Variants in EFHD1 observed in about 807,000 individuals in gnomAD.
EFHD1 encodes EF-hand domain family member D1, also known as EF-hand domain-containing protein D1.
EFHD1 carries 10 observed loss-of-function variants against 17.2 expected under a neutral mutation model. That is an observed-to-expected ratio of 0.58 (90% CI 0.36 to 0.99). The LOEUF is 0.99. Among genes scored for constraint, EFHD1 ranks in the 50% least tolerant of loss-of-function variants. The probability of loss-of-function intolerance (pLI) is 0.01; values close to 1 mark genes in which losing one functional copy is unlikely to be tolerated. For missense variants in EFHD1, 310 were observed against 327.5 expected (o/e 0.95, Z 0.41); for synonymous variants, 153 against 142.0 (o/e 1.08, Z -0.55).
intron 1 of EFHD1, among the ~76,000 whole-genome samples, chr2:232,644,405 G>A (rs1694488361): frequency 6.6e-6 from 1 of 152,088 alleles, no homozygotes; most frequent in Non-Finnish European, 1.5e-5. Context: ...GTGGCTCCTG[G>A]GCTTCTGTGG....
At chr2:232,630,366 G>C (rs1326083142), upstream of EFHD1, among the ~76,000 whole-genome samples, 1 of 152,210 alleles carries the variant, frequency 6.6e-6, no homozygotes, top group Non-Finnish European at 1.5e-5. Flanking sequence ...TCACTAGTGA[G>C]ATACTAACAC....
intron 2 of EFHD1, among the ~76,000 whole-genome samples, chr2:232,669,989 A>G (rs1695039462): frequency 6.6e-6 from 1 of 152,214 alleles, no homozygotes; most frequent in Non-Finnish European, 1.5e-5. Flanking sequence ...GTAGCACCTG[A>G]AAACCTGGAG....
intron 3 of EFHD1, 68 bp from the exon 4 acceptor site, chr2:232,681,517 G>T: frequency 6.4e-7 from 1 of 1,568,806 alleles, no homozygotes. Flanking sequence ...GTTGGCTCAG[G>T]TGTCAGCAGC....
intron 1 of EFHD1, among the ~76,000 whole-genome samples, chr2:232,648,402 C>T (rs2106202216): frequency 6.6e-6 from 1 of 151,978 alleles, no homozygotes; most frequent in East Asian, 1.9e-4. Flanking sequence ...TGACTGTTTC[C>T]CAGCCCGCAG....
intron 1 of EFHD1, among the ~76,000 whole-genome samples, chr2:232,609,054 CTTT>C (rs1244427931): frequency 1.9e-4 from 16 of 82,262 alleles, no homozygotes; most frequent in Admixed American, 4.9e-4. Flanking sequence ...TGCATAAGTT[CTTT>C]TTTTTTTTTT....
chr2:232,623,693 AAGAAGAAGAAG>A (rs1411166254), intron 1 of EFHD1, among the ~76,000 whole-genome samples: 1,413 of 90,596 alleles, frequency 0.016, 66 homozygotes, highest in African/African-American at 0.056. Context: ...AAAAAAAAAA[AAGAAGAAGAAG>A]AAGAAGAAGA....
chr2:232,617,510 C>G (rs977434404), intron 1 of EFHD1, among the ~76,000 whole-genome samples: 1 of 151,712 alleles, frequency 6.6e-6, no homozygotes, highest in Non-Finnish European at 1.5e-5. Context: ...AAAAATTAGC[C>G]AGGCGTGGTG....
chr2:232,667,147 C>G (rs1218302375), intron 2 of EFHD1, among the ~76,000 whole-genome samples: 1 of 152,118 alleles, frequency 6.6e-6, no homozygotes, highest in Non-Finnish European at 1.5e-5. Flanking sequence ...GTTGTGTGAG[C>G]CACCCAGACT....
intron 2 of EFHD1, among the ~76,000 whole-genome samples, chr2:232,667,939 C>T (rs1198151461): frequency 6.6e-6 from 1 of 152,218 alleles, no homozygotes; most frequent in Non-Finnish European, 1.5e-5. Context: ...CCTAAGAGTT[C>T]TAACTAATAC....
At chr2:232,638,251 A>C (rs1694355478) in intron 1 of EFHD1, 3 of 437,078 alleles carry the variant, frequency 6.9e-6, no homozygotes, top group Non-Finnish European at 1.4e-5. Flanking sequence ...AAAGGGAGGC[A>C]ATGAGGGCAG....
intron 1 of EFHD1, among the ~76,000 whole-genome samples, chr2:232,651,487 T>A (rs1167305526): frequency 1.3e-5 from 2 of 152,192 alleles, no homozygotes; most frequent in African/African-American, 4.8e-5. Context: ...GAGAACCTTC[T>A]AGCAGGTTAA....
chr2:232,654,696 G>C (rs112193542), intron 1 of EFHD1, among the ~76,000 whole-genome samples: 5,877 of 152,154 alleles, frequency 0.039, 341 homozygotes, highest in African/African-American at 0.13. Flanking sequence ...CCAAAGTGCT[G>C]GGATTACAGG....
intron 1 of EFHD1, among the ~76,000 whole-genome samples, chr2:232,614,257 C>T (rs1294379952): frequency 6.6e-6 from 1 of 152,128 alleles, no homozygotes; most frequent in African/African-American, 2.4e-5. Context: ...CTGCATGCCT[C>T]AAATTATACT....
chr2:232,614,073 TTATACACACATA>T (rs1406252348), intron 1 of EFHD1, among the ~76,000 whole-genome samples: 4 of 35,674 alleles, frequency 1.1e-4, no homozygotes, highest in African/African-American at 7.1e-5. Context: ...TGCACACACA[TTATACACACATA>T]TATACACACA....
At chr2:232,621,818 C>T (rs1380258185) in intron 1 of EFHD1, among the ~76,000 whole-genome samples, 1 of 152,126 alleles carries the variant, frequency 6.6e-6, no homozygotes, top group Non-Finnish European at 1.5e-5. Flanking sequence ...TAACTTACTC[C>T]AAGTCATATA....
chr2:232,643,377 TTCTGTCCA>T (rs1331370333), intron 1 of EFHD1, among the ~76,000 whole-genome samples: 1 of 151,946 alleles, frequency 6.6e-6, no homozygotes, highest in Non-Finnish European at 1.5e-5. Context: ...CAGGGCTCTT[TTCTGTCCA>T]TCTGTGTGCT....
chr2:232,650,803 A>G (rs1694637536), intron 1 of EFHD1, among the ~76,000 whole-genome samples: 1 of 151,794 alleles, frequency 6.6e-6, no homozygotes, highest in African/African-American at 2.4e-5. Flanking sequence ...TCCTGACCTC[A>G]GGCAATCTGC....
rs1694250406 is a variant in EFHD1 at position 232,633,724 on chromosome 2, C to T, written c.20C>T (p.Ala7Val). ...GCCGCCATGGCCAGTGAGGAGCTGG[C>T]GTGCAAGCTGGAGCGCCGGCTGCGG... is the stretch of plus-strand genomic sequence containing the variant. MASEELACKLERRLRRE... is the reference protein window; with the variant it reads MASEELVCKLERRLRRE... Residue 7 changes from alanine to valine, a missense_variant, in exon 1 of 4, where the codon GCG becomes GTG. By Grantham distance (64) the Ala-to-Val change is moderately conservative. Coordinates refer to ENST00000264059, the MANE Select transcript of EFHD1 (RefSeq NM_025202.4). 2 of 1,466,280 alleles carry T rather than the reference C, an allele frequency of 1.4e-6. No individual in the cohort carries two copies. Among genetic ancestry groups the T allele is most frequent in the Admixed American group, 2.5e-5 (1 of 39,502 alleles). 90.8% of individuals were successfully genotyped at this position (1,466,280 alleles called of 1,614,324 possible).
chr2:232,676,283 G>C (rs73107662), intron 3 of EFHD1, among the ~76,000 whole-genome samples: 1,623 of 152,260 alleles, frequency 0.011, 26 homozygotes, highest in African/African-American at 0.037. Flanking sequence ...CTTCAGGCAC[G>C]GGAAAGGCGT....
Sources: allele counts gnomAD v4.1 joint callset (sites outside exome capture counted in the v4.1 genomes callset), GRCh38; gene constraint gnomAD v4.1.1; transcripts MANE v1.5; gene names NCBI Gene and HGNC (gene_info 2026-07-23, HGNC 2026-07-21).